DLGAP2: variants seen among roughly 807,000 people sequenced by gnomAD.
DLGAP2 encodes DLG associated protein 2.
In DLGAP2, 26 loss-of-function variants were observed where a neutral mutation model predicts 100.3. That is an observed-to-expected ratio of 0.26 (90% CI 0.19 to 0.36). The LOEUF (loss-of-function observed/expected upper bound fraction) is 0.36, where lower values mean the gene tolerates loss of function less well. DLGAP2 is among the 10% of genes least tolerant of loss of function. The probability of loss-of-function intolerance (pLI) is 1.00; values close to 1 mark genes in which losing one functional copy is unlikely to be tolerated. For synonymous variants in DLGAP2, 886 were observed against 630.1 expected, an observed-to-expected ratio of 1.41 and a Z score of -6.08; for missense variants, 1,858 against 1,453.2, an observed-to-expected ratio of 1.28 and a Z score of -4.53.
At chr8:1,225,977 A>G (rs1798406096) in intron 2 of DLGAP2, among the ~76,000 whole-genome samples, 1 of 151,872 alleles carries the variant, frequency 6.6e-6, no homozygotes, top group South Asian at 2.1e-4. Context: ...TTTTAGAAAG[A>G]TATTTTTACA....
intron 5 of DLGAP2, among the ~76,000 whole-genome samples, chr8:1,550,537 G>A (rs1801728418): frequency 1.3e-5 from 2 of 152,114 alleles, no homozygotes; most frequent in Non-Finnish European, 2.9e-5. Context: ...AATGGAAGTG[G>A]GCCTGCGACA....
At chr8:755,423 C>T (rs1284624086) in intron 1 of DLGAP2, among the ~76,000 whole-genome samples, 1 of 152,134 alleles carries the variant, frequency 6.6e-6, no homozygotes, top group Non-Finnish European at 1.5e-5. Context: ...TGCCACTGCA[C>T]TCCAGCCTGG....
intron 2 of DLGAP2, among the ~76,000 whole-genome samples, chr8:1,020,092 G>C (rs1801586438): frequency 6.6e-6 from 1 of 152,130 alleles, no homozygotes; most frequent in African/African-American, 2.4e-5. Context: ...TTTTTATAAA[G>C]CAAATATATC....
chr8:1,204,502 C>G (rs528140084), intron 2 of DLGAP2, among the ~76,000 whole-genome samples: 4 of 152,330 alleles, frequency 2.6e-5, no homozygotes, highest in Admixed American at 6.5e-5. Flanking sequence ...TCTATTCGAT[C>G]TTAGTTTTCA....
At chr8:861,427 A>G (rs1797388472) in intron 1 of DLGAP2, among the ~76,000 whole-genome samples, 1 of 152,138 alleles carries the variant, frequency 6.6e-6, no homozygotes, top group East Asian at 1.9e-4. Context: ...AAGAAGTTTG[A>G]AGCCCCTAGC....
intron 3 of DLGAP2, among the ~76,000 whole-genome samples, chr8:1,439,574 C>T (rs1797767224): frequency 6.6e-6 from 1 of 152,174 alleles, no homozygotes; most frequent in Admixed American, 6.5e-5. Flanking sequence ...CACGGCAACA[C>T]GGTCTCCAGT....
Position 1,549,571 on chromosome 8 carries a change from C to T in DLGAP2, c.1118C>T (p.Thr373Met), listed in dbSNP as rs1346952995. The T allele has an allele frequency of 6.8e-6, 11 of 1,612,850 alleles. No homozygotes were observed. Among genetic ancestry groups the T allele is most frequent in the Admixed American group, 1.7e-5 (1 of 59,988 alleles). ...TACCTGAAGCGCAGCTCCTGGTCTA[C>T]GCTGACGGTCAGCCAGGCCAAGGAG... Reference protein sequence around the residue: ...AKYLKRSSWSTLTVSQAKEAY... With the variant: ...AKYLKRSSWSMLTVSQAKEAY... Residue 373 changes from threonine to methionine, a missense_variant, in exon 5 of 15, where the codon ACG becomes ATG. Transcript: ENST00000637795.
At chr8:1,571,695 T>G (rs1274532991) in intron 6 of DLGAP2, among the ~76,000 whole-genome samples, 1 of 85,610 alleles carries the variant, frequency 1.2e-5, no homozygotes, top group East Asian at 3.9e-4. Context: ...TCTTCTGGGA[T>G]GGAGAGGAGA....
chr8:1,418,846 A>G (rs563407818), intron 3 of DLGAP2, among the ~76,000 whole-genome samples: 5 of 152,312 alleles, frequency 3.3e-5, no homozygotes, highest in African/African-American at 1.2e-4. Context: ...GGCCAATCCC[A>G]AGTCTGGCTT....
intron 1 of DLGAP2, among the ~76,000 whole-genome samples, chr8:829,347 C>A (rs1434446568): frequency 6.6e-6 from 1 of 152,182 alleles, no homozygotes; most frequent in Non-Finnish European, 1.5e-5. Context: ...CATTTCATCA[C>A]CCATGAAGGT....
intron 6 of DLGAP2, among the ~76,000 whole-genome samples, chr8:1,571,374 G>T: frequency 9.4e-6 from 1 of 106,896 alleles, no homozygotes; most frequent in Non-Finnish European, 1.9e-5. Flanking sequence ...GGAGAGGAGA[G>T]AGGGGTGAAC....
chr8:1,705,693 C>T lies in DLGAP2; in HGVS notation c.*4287C>T, dbSNP rs1344846118. On this transcript the variant is annotated 3_prime_UTR_variant, in exon 15 of 15. Coordinates refer to ENST00000637795, the MANE Select transcript of DLGAP2 (RefSeq NM_001346810.2). ...GTTCCTGCCTGCTCATTTCCCAGCC[C>T]TCTTCTTCTCAAGCCTGAACTTCAT... 1 of 152,180 alleles carries T rather than the reference C, an allele frequency of 6.6e-6. No homozygotes were observed. The highest frequency in any genetic ancestry group is 1.5e-5 in the Non-Finnish European group (1 of 68,024). 9.4% of individuals were successfully genotyped at this position (152,180 alleles called of 1,614,324 possible).
At chr8:1,387,875 G>T (rs1232686173) in intron 3 of DLGAP2, among the ~76,000 whole-genome samples, 2 of 152,218 alleles carry the variant, frequency 1.3e-5, no homozygotes, top group African/African-American at 2.4e-5. Context: ...ATTTGATGGC[G>T]CTGGAAGCCG....
At chr8:802,936 G>C (rs67894118) in intron 1 of DLGAP2, among the ~76,000 whole-genome samples, 1 of 152,092 alleles carries the variant, frequency 6.6e-6, no homozygotes, top group Non-Finnish European at 1.5e-5. Context: ...TCTAAATAAA[G>C]GAAAGGTGGG....
chr8:967,188 A>G (rs1023859328), intron 2 of DLGAP2, among the ~76,000 whole-genome samples: 4 of 152,236 alleles, frequency 2.6e-5, no homozygotes, highest in African/African-American at 9.6e-5. Context: ...TCATGTGCTC[A>G]TACACTGTAC....
At chr8:1,000,943 C>G (rs891325183) in intron 2 of DLGAP2, among the ~76,000 whole-genome samples, 1 of 152,166 alleles carries the variant, frequency 6.6e-6, no homozygotes, top group African/African-American at 2.4e-5. Flanking sequence ...GCAGGTGAAA[C>G]TCCCCTCCAG....
intron 2 of DLGAP2, among the ~76,000 whole-genome samples, chr8:1,242,340 T>C (rs1458454995): frequency 1.3e-5 from 2 of 152,254 alleles, no homozygotes; most frequent in African/African-American, 2.4e-5. Context: ...TTGGAGGAGC[T>C]ATGCCATTAC....
intron 2 of DLGAP2, among the ~76,000 whole-genome samples, chr8:1,204,465 T>C (rs6558426): frequency 0.57 from 85,987 of 152,026 alleles, 26,667 homozygotes; most frequent in African/African-American, 0.83. Context: ...CCGTGTGTGG[T>C]CTTGAGCAAC....
intron 2 of DLGAP2, among the ~76,000 whole-genome samples, chr8:1,041,591 C>CGTGGGTGAGTGTTCTCCGAACCCCTTGCT (rs1802350272): frequency 6.9e-6 from 1 of 144,814 alleles, no homozygotes; most frequent in African/African-American, 2.6e-5. Context: ...AACCCCTTGC[C>CGTGGGTGAGTGTTCTCCGAACCCCTTGCT]GTGGGTGAGT....
Sources: allele counts gnomAD v4.1 joint callset (sites outside exome capture counted in the v4.1 genomes callset), GRCh38; gene constraint gnomAD v4.1.1; transcripts MANE v1.5; gene names NCBI Gene and HGNC (gene_info 2026-07-23, HGNC 2026-07-21).